Variants in SLC49A4 observed in about 807,000 individuals in gnomAD.
SLC49A4 encodes the protein disrupted in renal cancer protein 2.
A neutral mutation model predicts 50.6 loss-of-function variants in SLC49A4; 36 were observed. That is an observed-to-expected ratio of 0.71 (90% CI 0.55 to 0.94). The LOEUF (loss-of-function observed/expected upper bound fraction) is 0.94, where lower values mean the gene tolerates loss of function less well. Among genes scored for constraint, SLC49A4 ranks in the 40% least tolerant of loss-of-function variants. The pLI is 0.00. For synonymous variants in SLC49A4, 248 were observed against 241.2 expected (o/e 1.03, Z -0.26); for missense variants, 503 against 605.7 (o/e 0.83, Z 1.78).
intron 1 of SLC49A4, among the ~76,000 whole-genome samples, chr3:122,806,499 T>G (rs2107556833): frequency 6.6e-6 from 1 of 152,242 alleles, no homozygotes; most frequent in East Asian, 1.9e-4. Flanking sequence ...TGCCTCAGCC[T>G]CCCGAGTAGC....
chr3:122,813,052 C>A (rs958959178), intron 2 of SLC49A4, among the ~76,000 whole-genome samples: 2 of 152,018 alleles, frequency 1.3e-5, no homozygotes, highest in Non-Finnish European at 2.9e-5. Flanking sequence ...GAGTTTAAGA[C>A]CAGCCTAGCC....
chr3:122,840,660 A>C lies in SLC49A4; in HGVS notation c.834-5103A>C, dbSNP rs1460182607. ...CTTTGATATTCAGTGGATATTTTGC[A>C]CTTAAAGCACATGTCAATTTGGACA... On this transcript the variant is annotated intron_variant, in intron 4 of 8. Coordinates refer to ENST00000261038, the MANE Select transcript of SLC49A4 (RefSeq NM_032839.3). Among the ~76,000 whole-genome samples, 5 of 152,284 alleles carry C rather than the reference A, an allele frequency of 3.3e-5. No homozygotes were observed. In the East Asian group the frequency reaches 9.6e-4, roughly 29 times the overall value.
chr3:122,823,192 T>A (rs1936477624), intron 2 of SLC49A4, among the ~76,000 whole-genome samples: 1 of 152,172 alleles, frequency 6.6e-6, no homozygotes, highest in Non-Finnish European at 1.5e-5. Context: ...CAAGCCTGTT[T>A]CCCAGGCCTG....
At chr3:122,833,582 TG>T in intron 4 of SLC49A4, 136 bp downstream of exon 4, 2 of 753,154 alleles carry the variant, frequency 2.7e-6, no homozygotes, top group Non-Finnish European at 3.8e-6. Flanking sequence ...AAATACTAAT[TG>T]AATATTTTAG....
Position 122,872,607 on chromosome 3 carries a change from T to A in SLC49A4, c.1321+10T>A, listed in dbSNP as rs769429851. On this transcript the variant is annotated intron_variant, in intron 8 of 8. Transcript: ENST00000261038. ...ACATTTTATCATACAGGTAAGAAAT[T>A]TGATTTTTTATTTACTATCTAAATG... is the stretch of plus-strand genomic sequence containing the variant. 10 of 1,558,764 alleles carry A rather than the reference T, an allele frequency of 6.4e-6. No homozygotes were observed. Among genetic ancestry groups the A allele is most frequent in the South Asian group, 1.2e-5 (1 of 84,276 alleles).
At chr3:122,877,162 T>G (rs1937276576) in intron 8 of SLC49A4, among the ~76,000 whole-genome samples, 1 of 152,222 alleles carries the variant, frequency 6.6e-6, no homozygotes, top group Non-Finnish European at 1.5e-5. Flanking sequence ...AAATTAGATT[T>G]TTAAGCAAGT....
In SLC49A4 at chr3:122,826,989, T is replaced by C. The variant is rs1936539429; in HGVS notation, c.627T>C (p.Asn209=). 1.2e-6 allele frequency: 2 copies of C among 1,614,214 alleles called. No individual in the cohort carries two copies. The highest frequency in any genetic ancestry group is 1.6e-4 in the Middle Eastern group (1 of 6,062). ...LVGPLVVPAP[N]GTSPLLAAES... ...GACCACTTGTTGTTCCAGCTCCCAA[T>C]GGGACATCACCTCTTCTTGCTGCAG... The change falls in exon 3 of 9, where the codon AAT becomes AAC. Residue 209 remains asparagine (N), a synonymous_variant. Coordinates refer to ENST00000261038, the MANE Select transcript of SLC49A4 (RefSeq NM_032839.3).
intron 3 of SLC49A4, among the ~76,000 whole-genome samples, chr3:122,829,268 G>A (rs1438334409): frequency 1.3e-5 from 2 of 152,156 alleles, no homozygotes; most frequent in Non-Finnish European, 2.9e-5. Context: ...AGCAATGCAA[G>A]GTTGGTTTAA....
At chr3:122,850,429 T>C (rs1936910873) in intron 5 of SLC49A4, among the ~76,000 whole-genome samples, 1 of 152,100 alleles carries the variant, frequency 6.6e-6, no homozygotes, top group South Asian at 2.1e-4. Flanking sequence ...TTGGGGTAAA[T>C]GCTGCAGCTG....
In SLC49A4 at chr3:122,845,876, G is replaced by T; in HGVS notation, c.942+5G>T. 1 of 1,587,760 alleles carries T rather than the reference G, an allele frequency of 6.3e-7. No individual in the cohort carries two copies. Among genetic ancestry groups the T allele is most frequent in the Non-Finnish European group, 8.6e-7 (1 of 1,163,206 alleles). The stretch of plus-strand genomic sequence containing the variant: ...ACACCAGCGCATGTCAGCCAAGTAA[G>T]TATTTTATTTCTTTATATGTTGTAG... On this transcript the variant is annotated splice_donor_5th_base_variant and intron_variant, in intron 5 of 8. Coordinates refer to ENST00000261038, the MANE Select transcript of SLC49A4 (RefSeq NM_032839.3).
chr3:122,823,096 T>C (rs138309825), intron 2 of SLC49A4, among the ~76,000 whole-genome samples: 42 of 152,324 alleles, frequency 2.8e-4, no homozygotes, highest in African/African-American at 7.9e-4. Context: ...GAGGATTTCA[T>C]AGGGCCAAGG....
intron 1 of SLC49A4, among the ~76,000 whole-genome samples, chr3:122,799,868 T>G (rs1190107728): frequency 6.6e-6 from 1 of 152,206 alleles, no homozygotes; most frequent in African/African-American, 2.4e-5. Flanking sequence ...TTCTCAACTT[T>G]TTAGTATTAC....
At chr3:122,796,886 A>G (rs1421648979) in intron 1 of SLC49A4, among the ~76,000 whole-genome samples, 2 of 152,200 alleles carry the variant, frequency 1.3e-5, no homozygotes, top group Non-Finnish European at 2.9e-5. Context: ...CGTCTCAGAA[A>G]AATTAATACA....
intron 5 of SLC49A4, among the ~76,000 whole-genome samples, chr3:122,852,538 G>A (rs937323046): frequency 2.8e-4 from 43 of 152,336 alleles, no homozygotes; most frequent in African/African-American, 1.0e-3. Context: ...GTATCAAGAT[G>A]ATATTGTTTT....
chr3:122,806,706 TTG>T, intron 1 of SLC49A4, 149 bp from the exon 2 acceptor site: 1 of 571,884 alleles, frequency 1.7e-6, no homozygotes, highest in Non-Finnish European at 3.1e-6. Flanking sequence ...GTAGGGTTCG[TTG>T]TTTTTTTTTT....
intron 1 of SLC49A4, among the ~76,000 whole-genome samples, chr3:122,795,864 A>C (rs1020596929): frequency 2.0e-5 from 3 of 152,232 alleles, no homozygotes; most frequent in Non-Finnish European, 4.4e-5. Context: ...TTTACACCTG[A>C]CAAAAATGAC....
chr3:122,870,978 A>G (rs1348259420), intron 7 of SLC49A4, among the ~76,000 whole-genome samples: 2 of 152,016 alleles, frequency 1.3e-5, no homozygotes, highest in Non-Finnish European at 2.9e-5. Flanking sequence ...TATTTGATCT[A>G]CATCTAGCAA....
chr3:122,860,672 G>C (rs1470044510), intron 7 of SLC49A4, among the ~76,000 whole-genome samples: 1 of 152,146 alleles, frequency 6.6e-6, no homozygotes, highest in Non-Finnish European at 1.5e-5. Context: ...CCTGTTGAAA[G>C]TATATTACAG....
chr3:122,876,382 A>G (rs1456667638), intron 8 of SLC49A4, among the ~76,000 whole-genome samples: 3 of 152,228 alleles, frequency 2.0e-5, no homozygotes, highest in African/African-American at 7.2e-5. Context: ...GTTGTCACTC[A>G]AAAGATTCAG....
Sources: gnomAD v4.1 joint callset for allele counts (sites outside exome capture counted in the v4.1 genomes callset) on GRCh38, gnomAD v4.1.1 for gene constraint, MANE v1.5 for transcripts, NCBI Gene and HGNC (gene_info 2026-07-23, HGNC 2026-07-21) for gene names.